The following PLOD1 variants were observed in gnomAD, a reference collection of about 807,000 sequenced individuals.
The protein encoded by PLOD1 is lysine hydroxylase.
PLOD1 carries 70 observed loss-of-function variants against 94.7 expected under a neutral mutation model. That is an observed-to-expected ratio of 0.74 (90% CI 0.61 to 0.90). PLOD1 has a LOEUF of 0.90. PLOD1 is among the 40% of genes least tolerant of loss of function. The pLI, the probability that PLOD1 is intolerant of heterozygous loss-of-function variation, is 0.00. For missense variants in PLOD1, 905 were observed against 972.7 expected, an observed-to-expected ratio of 0.93 and a Z score of 0.93; for synonymous variants, 417 against 400.2, an observed-to-expected ratio of 1.04 and a Z score of -0.50.
intron 9 of PLOD1, among the ~76,000 whole-genome samples, chr1:11,960,387 G>A (rs536564081): frequency 9.2e-5 from 14 of 152,362 alleles, no homozygotes; most frequent in African/African-American, 3.4e-4. Context: ...CCTGAGCGTG[G>A]TGGCGGAGCT....
At chr1:11,968,369 A>G (rs1247245241) in intron 16 of PLOD1, among the ~76,000 whole-genome samples, 5 of 152,146 alleles carry the variant, frequency 3.3e-5, no homozygotes, top group Non-Finnish European at 5.9e-5. Context: ...ACTGTACTTA[A>G]AGGCAACATT....
rs1645747540 is a variant in PLOD1 at position 11,957,542 on chromosome 1, A to G, written c.742-300A>G. Among the ~76,000 whole-genome samples the G allele has an allele frequency of 6.6e-6, 1 of 152,154 alleles. No homozygotes were observed. The highest frequency in any genetic ancestry group is 1.5e-5 in the Non-Finnish European group (1 of 68,020). On this transcript the variant is annotated intron_variant, in intron 7 of 18. Transcript: ENST00000196061. This position sits in a 1 kb window ranked among gnomAD's most constrained non-coding sequence, Gnocchi z 4.1. The stretch of plus-strand genomic sequence containing the variant: ...GAGGAAGGAGGATGTGATGTGTTTA[A>G]AATGCAAATTTGCTGATTTCACCCA...
At chr1:11,936,283 C>T (rs1203262624) in intron 1 of PLOD1, among the ~76,000 whole-genome samples, 2 of 151,902 alleles carry the variant, frequency 1.3e-5, no homozygotes, top group African/African-American at 4.8e-5. Context: ...AGTGTGTGCC[C>T]CACTGTCCTG....
chr1:11,938,368 T>C (rs1427776044), intron 1 of PLOD1, among the ~76,000 whole-genome samples: 1 of 152,150 alleles, frequency 6.6e-6, no homozygotes, highest in Non-Finnish European at 1.5e-5. Context: ...GTGGGGTCAT[T>C]GTCTGGAACT....
chr1:11,962,882 A>G (rs1645788779), intron 10 of PLOD1, among the ~76,000 whole-genome samples: 1 of 151,954 alleles, frequency 6.6e-6, no homozygotes, highest in African/African-American at 2.4e-5. Context: ...CTCTACTAAA[A>G]ATACAAAAAT....
At chr1:11,951,146 G>C (rs1287085620) in intron 4 of PLOD1, among the ~76,000 whole-genome samples, 2 of 152,218 alleles carry the variant, frequency 1.3e-5, no homozygotes, top group East Asian at 3.9e-4. Flanking sequence ...CTGGCCCACA[G>C]TTCACTGCCA....
intron 6 of PLOD1, among the ~76,000 whole-genome samples, chr1:11,955,704 A>G (rs1569701251): frequency 6.6e-6 from 1 of 151,716 alleles, no homozygotes; most frequent in Non-Finnish European, 1.5e-5. Context: ...ACTCACTGCA[A>G]CCTCCGCCTC....
At chr1:11,946,381 A>C (rs1645654825) in intron 1 of PLOD1, among the ~76,000 whole-genome samples, 1 of 152,170 alleles carries the variant, frequency 6.6e-6, no homozygotes, top group Admixed American at 6.6e-5. Flanking sequence ...TTAAAATTGT[A>C]GGAATGGCTG....
In PLOD1 at chr1:11,957,369, A is replaced by G. The variant is rs1645746369; in HGVS notation, c.741+355A>G. Among the ~76,000 whole-genome samples the G allele has an allele frequency of 6.6e-6, 1 of 152,216 alleles. No homozygotes were observed. Among genetic ancestry groups the G allele is most frequent in the Non-Finnish European group, 1.5e-5 (1 of 68,030 alleles). ...GCACCAGACAGTAAGACATAGTCATAAGCAGGACGGATGTCCTGCATTCAT... is the reference window on the plus strand; with the variant it reads ...GCACCAGACAGTAAGACATAGTCATGAGCAGGACGGATGTCCTGCATTCAT... On this transcript the variant is annotated intron_variant, in intron 7 of 18. Coordinates refer to ENST00000196061, the MANE Select transcript of PLOD1 (RefSeq NM_000302.4). This position sits in a 1 kb window ranked among gnomAD's most constrained non-coding sequence, Gnocchi z 4.1.
chr1:11,960,600 G>T, intron 9 of PLOD1, 46 bp from the exon 10 acceptor site: 1 of 1,371,222 alleles, frequency 7.3e-7, no homozygotes, highest in Admixed American at 1.7e-5. Flanking sequence ...TGGAAGCTGT[G>T]TCCTCCTCCT....
In PLOD1 at chr1:11,974,695, G is replaced by A. The variant is rs1225751795; in HGVS notation, c.2071G>A (p.Ala691Thr). ...CCTGCGCTACAACTGTTCCATCCGA[G>A]CCCCAAGGAAGGGCTGGACCCTCAT... ...RFLRYNCSIR[A>T]PRKGWTLMHP... Residue 691 changes from alanine to threonine, a missense_variant, in exon 19 of 19, where the codon GCC (alanine) becomes ACC (threonine). By Grantham distance (58) the Ala-to-Thr change is moderately conservative (BLOSUM62 0). Coordinates refer to ENST00000196061, the MANE Select transcript of PLOD1 (RefSeq NM_000302.4). 2 of 1,613,896 alleles carry A rather than the reference G, an allele frequency of 1.2e-6. No individual in the cohort carries two copies. The highest frequency in any genetic ancestry group is 1.7e-6 in the Non-Finnish European group (2 of 1,179,942).
chr1:11,949,372 T>A (rs945693085), intron 2 of PLOD1, among the ~76,000 whole-genome samples: 4 of 152,044 alleles, frequency 2.6e-5, no homozygotes, highest in Non-Finnish European at 4.4e-5. Context: ...ATGGTTTCCT[T>A]ACAGGGGAGG....
chr1:11,954,202 G>GTCGCCGTATCATTAAAAAAA, intron 5 of PLOD1: 2 of 194,720 alleles, frequency 1.0e-5, no homozygotes, highest in South Asian at 7.7e-5. Flanking sequence ...AGGTGCGGTG[G>GTCGCCGTATCATTAAAAAAA]CTCACACCTG....
chr1:11,955,868 C>T (rs1430512422), intron 6 of PLOD1, among the ~76,000 whole-genome samples: 1 of 151,922 alleles, frequency 6.6e-6, no homozygotes, highest in Non-Finnish European at 1.5e-5. Context: ...TCAGGTGATC[C>T]ACCTGCCTTG....
chr1:11,963,708 TTCCTCC>T lies in PLOD1; in HGVS notation c.1202+84_1202+89del. The T allele has an allele frequency of 2.3e-6, 2 of 878,070 alleles. No homozygotes were observed. The highest frequency in any genetic ancestry group is 3.8e-6 in the Non-Finnish European group (2 of 532,280). The allele number at this position is 878,070 out of a possible 1,614,324, so 54.4% of individuals were successfully genotyped here. Reference sequence around the variant, plus strand: ...TCCTGGGGTGGCAGCCCTCCTTGCCTTCCTCCTCCTCCTCCTCATCCACCTCCTCTT... The same window carrying T: ...TCCTGGGGTGGCAGCCCTCCTTGCCTTCCTCCTCCTCATCCACCTCCTCTT... On this transcript the variant is annotated intron_variant, in intron 11 of 18. Transcript: ENST00000196061. The surrounding 1 kb of genome is among the most constrained non-coding windows in gnomAD (Gnocchi z 4.3).
At chr1:11,960,539 G>C in intron 9 of PLOD1, 107 bp from the exon 10 acceptor site, 1 of 845,046 alleles carries the variant, frequency 1.2e-6, no homozygotes, top group Non-Finnish European at 2.0e-6. Context: ...CGGGGTGCCA[G>C]AGATGAAGGG....
intron 10 of PLOD1, among the ~76,000 whole-genome samples, chr1:11,962,373 T>A (rs547402195): frequency 6.5e-4 from 97 of 149,846 alleles, no homozygotes; most frequent in Admixed American, 1.7e-3. Flanking sequence ...GCCTCCCACG[T>A]TCACGCCATT....
At position 11,958,376 on chromosome 1, in the gene PLOD1, A is replaced by G; in HGVS notation, c.844-140A>G. 2 of 755,342 alleles carry G rather than the reference A, an allele frequency of 2.6e-6. No homozygotes were observed. The highest frequency in any genetic ancestry group is 4.3e-6 in the Non-Finnish European group (2 of 467,836). The allele number at this position is 755,342 out of a possible 1,614,324, so 46.8% of individuals were successfully genotyped here. A position where few individuals can be genotyped will look rare whatever the true frequency, so the allele number is the denominator to read the frequency against. Reference sequence around the variant, plus strand: ...CTGCCCCCCCGTACCCCCTGACTGGAGTTCCCCGGCCCGGGCACCTTTCTT... The same window carrying G: ...CTGCCCCCCCGTACCCCCTGACTGGGGTTCCCCGGCCCGGGCACCTTTCTT... On this transcript the variant is annotated intron_variant, in intron 8 of 18. Transcript: ENST00000196061. This position sits in a 1 kb window ranked among gnomAD's most constrained non-coding sequence, Gnocchi z 4.3.
At chr1:11,955,938 T>C (rs1036704878) in intron 6 of PLOD1, among the ~76,000 whole-genome samples, 2 of 152,234 alleles carry the variant, frequency 1.3e-5, no homozygotes, top group East Asian at 3.9e-4. Context: ...ATTTTAATTT[T>C]TAAAATAGAG....
Sources: allele counts gnomAD v4.1 joint callset (sites outside exome capture counted in the v4.1 genomes callset), GRCh38; gene constraint gnomAD v4.1.1; non-coding constraint Gnocchi (gnomAD v3.1); transcripts MANE v1.5; gene names NCBI Gene and HGNC (gene_info 2026-07-23, HGNC 2026-07-21).